The following CDH20 variants were observed in gnomAD, a reference collection of about 807,000 sequenced individuals.
CDH20 encodes the protein cadherin 20.
In CDH20, 29 loss-of-function variants were observed where a neutral mutation model predicts 74.2. The ratio of observed to expected loss-of-function variants is 0.39; its 90% CI spans 0.29 to 0.53. The LOEUF is 0.53. Ranked by LOEUF, CDH20 falls within the 20% of genes least tolerant of loss-of-function variation. The pLI, the probability that CDH20 is intolerant of heterozygous loss-of-function variation, is 0.69. For missense variants in CDH20, 988 were observed against 1,048.3 expected, an observed-to-expected ratio of 0.94 and a Z score of 0.79; for synonymous variants, 469 against 405.4, an observed-to-expected ratio of 1.16 and a Z score of -1.88.
rs934575402 is a variant in CDH20, at chr18:61,353,744, A to C, written c.-153+19917A>C. The stretch of plus-strand genomic sequence containing the variant: ...CAATACAGCAGCTACTAACTACACA[A>C]GGACGTTCAGCTTTAAACTTATGTT... On this transcript the variant is annotated intron_variant, in intron 1 of 11. Transcript: ENST00000262717. The surrounding 1 kb of genome is among the most constrained non-coding windows in gnomAD (Gnocchi z 4.6). Among the ~76,000 whole-genome samples, 11 of 152,162 alleles carry C rather than the reference A, an allele frequency of 7.2e-5. No homozygotes were observed. Among genetic ancestry groups the C allele is most frequent in the African/African-American group, 2.7e-4 (11 of 41,420 alleles).
At chr18:61,531,269 T>A (rs527966291) in intron 7 of CDH20, among the ~76,000 whole-genome samples, 50 of 152,300 alleles carry the variant, frequency 3.3e-4, no homozygotes, top group African/African-American at 1.1e-3. Flanking sequence ...GTGGGTTAGT[T>A]ATTTCTATCA....
intron 11 of CDH20, among the ~76,000 whole-genome samples, chr18:61,553,456 G>A (rs990030894): frequency 6.6e-6 from 1 of 152,168 alleles, no homozygotes; most frequent in African/African-American, 2.4e-5. Context: ...ACATCTAACA[G>A]TGTGGTGTTT....
chr18:61,503,774 T>C (rs531601328), intron 5 of CDH20, among the ~76,000 whole-genome samples: 7 of 152,296 alleles, frequency 4.6e-5, no homozygotes, highest in African/African-American at 7.2e-5. Flanking sequence ...ACTTGAACAG[T>C]GCAAGATGAT....
At chr18:61,340,404 A>G (rs1239996207) in intron 1 of CDH20, among the ~76,000 whole-genome samples, 1 of 152,062 alleles carries the variant, frequency 6.6e-6, no homozygotes, top group Non-Finnish European at 1.5e-5. Flanking sequence ...GTTGTTTACT[A>G]GGATTAGAGT....
chr18:61,513,639 G>T (rs1317342659), intron 6 of CDH20, among the ~76,000 whole-genome samples: 4 of 152,060 alleles, frequency 2.6e-5, no homozygotes, highest in East Asian at 1.9e-4. Context: ...GGCTGGTACT[G>T]GTTGTTCCTC....
At chr18:61,408,645 A>G (rs190926406) in intron 1 of CDH20, among the ~76,000 whole-genome samples, 35 of 152,300 alleles carry the variant, frequency 2.3e-4, no homozygotes, top group African/African-American at 7.5e-4. Flanking sequence ...TCTTACCAGC[A>G]TTTAGTTTTT....
At chr18:61,351,974 T>C (rs943832728) in intron 1 of CDH20, among the ~76,000 whole-genome samples, 3 of 152,170 alleles carry the variant, frequency 2.0e-5, no homozygotes, top group Non-Finnish European at 4.4e-5. Context: ...AAGACTTATT[T>C]TGAGAAAATA....
intron 7 of CDH20, among the ~76,000 whole-genome samples, chr18:61,528,481 A>ACACACACACACACACC (rs755504850): frequency 0.017 from 2,582 of 149,176 alleles, 30 homozygotes; most frequent in Middle Eastern, 0.046. Flanking sequence ...ACACACACAC[A>ACACACACACACACACC]CCCCTTAGTT....
At chr18:61,546,637 CAGCTA>C (rs1275956558) in intron 10 of CDH20, among the ~76,000 whole-genome samples, 2 of 152,314 alleles carry the variant, frequency 1.3e-5, no homozygotes, top group African/African-American at 2.4e-5. Flanking sequence ...TTCAACTGTT[CAGCTA>C]AGCTATCATT....
intron 1 of CDH20, among the ~76,000 whole-genome samples, chr18:61,347,319 TAC>T (rs33985303): frequency 0.068 from 5,199 of 76,278 alleles, 153 homozygotes; most frequent in Admixed American, 0.11. Flanking sequence ...TATATATATA[TAC>T]ACACACACAC....
chr18:61,438,313 A>G (rs1398555597), intron 1 of CDH20, among the ~76,000 whole-genome samples: 1 of 152,152 alleles, frequency 6.6e-6, no homozygotes, highest in African/African-American at 2.4e-5. Flanking sequence ...GGGTGGTGAC[A>G]GGAAAAAGAG....
At chr18:61,476,588 G>C (rs1180406215) in intron 1 of CDH20, among the ~76,000 whole-genome samples, 3 of 152,164 alleles carry the variant, frequency 2.0e-5, no homozygotes, top group African/African-American at 7.2e-5. Context: ...CGATGATAAA[G>C]GACCACTGGA....
chr18:61,418,024 T>C (rs1295402213), intron 1 of CDH20, among the ~76,000 whole-genome samples: 1 of 152,154 alleles, frequency 6.6e-6, no homozygotes, highest in African/African-American at 2.4e-5. Context: ...CTTGAAATAA[T>C]CATAATAAAA....
intron 1 of CDH20, among the ~76,000 whole-genome samples, chr18:61,403,393 T>C (rs144765666): frequency 1.3e-5 from 2 of 152,360 alleles, no homozygotes; most frequent in African/African-American, 2.4e-5. Flanking sequence ...GCTAGAGTTA[T>C]CTTTAAAATA....
At chr18:61,398,790 G>A (rs933308081) in intron 1 of CDH20, among the ~76,000 whole-genome samples, 4 of 152,116 alleles carry the variant, frequency 2.6e-5, no homozygotes, top group African/African-American at 9.7e-5. Context: ...CAGTCACAAA[G>A]AAGCATGGCC....
At chr18:61,372,258 AT>A (rs1411073301) in intron 1 of CDH20, among the ~76,000 whole-genome samples, 1 of 152,078 alleles carries the variant, frequency 6.6e-6, no homozygotes, top group Non-Finnish European at 1.5e-5. Context: ...TACTAAATTC[AT>A]TTCATTTTGT....
chr18:61,364,240 G>A (rs1910789411), intron 1 of CDH20, among the ~76,000 whole-genome samples: 1 of 152,140 alleles, frequency 6.6e-6, no homozygotes, highest in Non-Finnish European at 1.5e-5. Flanking sequence ...AGGTGTTTGG[G>A]TCACCAGGGC....
chr18:61,410,777 A>G, intron 1 of CDH20, among the ~76,000 whole-genome samples: 1 of 152,242 alleles, frequency 6.6e-6, no homozygotes, highest in East Asian at 1.9e-4. Context: ...ATATCATAAC[A>G]TAATAGCCCT....
chr18:61,392,408 G>A (rs1599054792), intron 1 of CDH20, among the ~76,000 whole-genome samples: 1 of 152,152 alleles, frequency 6.6e-6, no homozygotes. Flanking sequence ...GTGGATACAG[G>A]CTGGCTGTAA....
Sources: gnomAD v4.1 joint callset for allele counts (sites outside exome capture counted in the v4.1 genomes callset) on GRCh38, gnomAD v4.1.1 for gene constraint, Gnocchi (gnomAD v3.1) non-coding constraint, MANE v1.5 for transcripts, NCBI Gene and HGNC (gene_info 2026-07-23, HGNC 2026-07-21) for gene names.